The following ANXA2 variants were observed in gnomAD, a reference collection of about 807,000 sequenced individuals.
ANXA2 encodes annexin A2.
Under a neutral mutation model 47.3 loss-of-function variants are expected in ANXA2, and 28 were observed. That is an observed-to-expected ratio of 0.59 (90% confidence interval 0.44 to 0.81). ANXA2 has a LOEUF of 0.81. Ranked by LOEUF, ANXA2 falls within the 40% of genes least tolerant of loss-of-function variation. ANXA2 has a pLI of 0.00. For missense variants in ANXA2, 384 were observed against 414.3 expected (o/e 0.93, Z 0.64); for synonymous variants, 172 against 155.5 (o/e 1.11, Z -0.79).
intron 4 of ANXA2, chr15:60,363,072 A>ATG (rs1177759475): frequency 1.4e-5 from 2 of 139,202 alleles, no homozygotes; most frequent in East Asian, 2.3e-4. Context: ...TCAGGCTTCT[A>ATG]TGTGTGTGTG....
Position 60,349,151 on chromosome 15 carries a change from C to A in ANXA2, c.884G>T (p.Arg295Leu), listed in dbSNP as rs751397438. Residue 295 changes from arginine (R) to leucine (L), a missense_variant, in exon 12 of 13, where the codon CGC becomes CTC. By Grantham distance (102) the Arg-to-Leu change is moderately radical. Coordinates refer to ENST00000451270, the MANE Select transcript of ANXA2 (RefSeq NM_004039.3). ...DKVLIRIMVS[R>L]SEVDMLKIRS... Reference sequence around the variant, plus strand: ...AATTTTCAACATGTCCACTTCACTGCGGGAGACCATGATTCTGATCAGGAC... The same window carrying A: ...AATTTTCAACATGTCCACTTCACTGAGGGAGACCATGATTCTGATCAGGAC... 1.9e-6 allele frequency: 3 copies of A among 1,613,976 alleles called. No homozygotes were observed. Among genetic ancestry groups the A allele is most frequent in the Admixed American group, 3.3e-5 (2 of 60,020 alleles).
rs1566936066 is a variant in ANXA2, at chr15:60,363,041, A to AC, written c.243+1387_243+1388insG. ...CAAGACCCTGTCACAAAAAAAAAAAAAAAAAAAAAAAAAAAAAGTTTCAGG... is the reference window on the plus strand; with the variant it reads ...CAAGACCCTGTCACAAAAAAAAAAAACAAAAAAAAAAAAAAAAAGTTTCAGG... On this transcript the variant is annotated intron_variant, in intron 4 of 12. Coordinates refer to ENST00000451270, the MANE Select transcript of ANXA2 (RefSeq NM_004039.3). 129 of 148,130 alleles carry AC rather than the reference A, an allele frequency of 8.7e-4. 1 individual carries two copies. Among genetic ancestry groups the AC allele is most frequent in the African/African-American group, 3.2e-3 (125 of 38,628 alleles). 9.2% of individuals were successfully genotyped at this position (148,130 alleles called of 1,614,324 possible). A position where few individuals can be genotyped will look rare whatever the true frequency, so the allele number is the denominator to read the frequency against.
chr15:60,397,757 C>T, intron 1 of ANXA2, 186 bp downstream of exon 1: 2 of 754,690 alleles, frequency 2.7e-6, no homozygotes, highest in Admixed American at 5.4e-5. Context: ...CTGCCCCAAA[C>T]ACCTTGTCCC....
intron 4 of ANXA2, 31 bp from the exon 5 acceptor site, chr15:60,361,085 T>C (rs749276275): frequency 3.5e-6 from 5 of 1,448,620 alleles, no homozygotes; most frequent in African/African-American, 1.4e-5. Flanking sequence ...ATAAGGAAAA[T>C]ATTTATTTTA....
intron 4 of ANXA2, among the ~76,000 whole-genome samples, chr15:60,364,160 C>G (rs1315205338): frequency 1.2e-4 from 18 of 152,180 alleles, no homozygotes; most frequent in Admixed American, 1.2e-3. Flanking sequence ...AAGCGCGAAC[C>G]CTACTGTGAA....
chr15:60,355,886 A>G, intron 7 of ANXA2, 33 bp downstream of exon 7: 1 of 1,567,722 alleles, frequency 6.4e-7, no homozygotes, highest in Non-Finnish European at 8.8e-7. Context: ...CTTGGGAGGA[A>G]GCAAGGGCAA....
At chr15:60,361,407 G>A (rs115283862) in intron 4 of ANXA2, 2,371 of 212,738 alleles carry the variant, frequency 0.011, 26 homozygotes, top group African/African-American at 0.035. Context: ...GGACGCTTTC[G>A]GAGATCAAGG....
Position 60,347,569 on chromosome 15 carries a change from T to C in ANXA2, c.*61A>G. 6.4e-7 allele frequency: 1 copy of C among 1,564,302 alleles called. No individual in the cohort carries two copies. The highest frequency in any genetic ancestry group is 8.8e-7 in the Non-Finnish European group (1 of 1,135,202). On this transcript the variant is annotated 3_prime_UTR_variant, in exon 13 of 13. Coordinates refer to ENST00000451270, the MANE Select transcript of ANXA2 (RefSeq NM_004039.3). ...GACTGTTATTCGCAAGCTGGTTTTC[T>C]AGACCTGTTAGCTGGAAGCATGGTG...
At chr15:60,388,494 C>G (rs2062962878) in intron 1 of ANXA2, among the ~76,000 whole-genome samples, 1 of 151,506 alleles carries the variant, frequency 6.6e-6, no homozygotes, top group Non-Finnish European at 1.5e-5. Flanking sequence ...TGTGTCCAGC[C>G]CAATAATTTA....
chr15:60,365,043 C>T (rs12440492), intron 3 of ANXA2, among the ~76,000 whole-genome samples: 72,186 of 96,856 alleles, frequency 0.75, 28,862 homozygotes, highest in African/African-American at 0.86. Flanking sequence ...TCAGATTTAA[C>T]ACGGCAGTTG....
intron 1 of ANXA2, chr15:60,393,037 C>A (rs1435449541): frequency 8.0e-5 from 103 of 1,287,496 alleles, no homozygotes; most frequent in Non-Finnish European, 9.9e-5. Flanking sequence ...TTTATCAGAA[C>A]CTTTTTGAAA....
At chr15:60,380,668 G>C (rs938300402) in intron 3 of ANXA2, among the ~76,000 whole-genome samples, 35 of 151,816 alleles carry the variant, frequency 2.3e-4, no homozygotes, top group Middle Eastern at 3.4e-3. Flanking sequence ...GCTGGGCATG[G>C]TGGTGTGTGC....
intron 1 of ANXA2, among the ~76,000 whole-genome samples, chr15:60,395,055 A>C (rs2063063274): frequency 6.6e-6 from 1 of 152,126 alleles, no homozygotes; most frequent in Non-Finnish European, 1.5e-5. Flanking sequence ...AAGGCAGCTT[A>C]AGACACCATA....
chr15:60,354,057 T>C, intron 8 of ANXA2, 97 bp downstream of exon 8: 1 of 922,458 alleles, frequency 1.1e-6, no homozygotes, highest in Non-Finnish European at 1.7e-6. Flanking sequence ...AGCCACAGAG[T>C]TTGGGAGTCA....
chr15:60,381,699 C>T (rs953015477), intron 3 of ANXA2, among the ~76,000 whole-genome samples: 4 of 151,796 alleles, frequency 2.6e-5, no homozygotes, highest in South Asian at 2.1e-4. Context: ...CAGAACTTAC[C>T]GGGGTTTAAA....
chr15:60,392,211 T>C (rs947871118), intron 1 of ANXA2, among the ~76,000 whole-genome samples: 2 of 152,198 alleles, frequency 1.3e-5, no homozygotes, highest in African/African-American at 4.8e-5. Flanking sequence ...AGACTGTGAA[T>C]GCCTGGCTAA....
chr15:60,397,315 G>C lies in ANXA2; in HGVS notation c.-12+628C>G, dbSNP rs1028058872. 1.0e-5 allele frequency: 10 copies of C among 985,580 alleles called. No individual in the cohort carries two copies. In the East Asian group the frequency reaches 1.0e-3, roughly 101 times the overall value. 61.1% of individuals were successfully genotyped at this position (985,580 alleles called of 1,614,324 possible). On this transcript the variant is annotated intron_variant, in intron 1 of 12. Coordinates refer to ENST00000451270, the MANE Select transcript of ANXA2 (RefSeq NM_004039.3). ...AAACTCTCCGGGTAGAGTGAAATCCGAAGTTGCTATGCTACAAGATAACCT... is the reference window on the plus strand; with the variant it reads ...AAACTCTCCGGGTAGAGTGAAATCCCAAGTTGCTATGCTACAAGATAACCT...
chr15:60,366,667 AG>A (rs1712747366), intron 3 of ANXA2, among the ~76,000 whole-genome samples: 2 of 140,866 alleles, frequency 1.4e-5, no homozygotes, highest in Non-Finnish European at 3.1e-5. Flanking sequence ...CCCGTCCGGG[AG>A]GGAGGTGGGG....
In ANXA2 at chr15:60,352,288, C is replaced by A. The variant is rs991069705; in HGVS notation, c.682+95G>T. 5 of 784,848 alleles carry A rather than the reference C, an allele frequency of 6.4e-6. No individual in the cohort carries two copies. The highest frequency in any genetic ancestry group is 1.7e-5 in the South Asian group (1 of 58,850). The allele number at this position is 784,848 out of a possible 1,614,324, so 48.6% of individuals were successfully genotyped here. ...ATGAGAGTGCCAAGCGGAGACAGAA[C>A]CTCATTCTGGCAGACTCCATCCCAA... is the stretch of plus-strand genomic sequence containing the variant. On this transcript the variant is annotated intron_variant, in intron 9 of 12. Coordinates refer to ENST00000451270, the MANE Select transcript of ANXA2 (RefSeq NM_004039.3). The surrounding 1 kb of genome is among the most constrained non-coding windows in gnomAD (Gnocchi z 4.2).
Sources: allele counts gnomAD v4.1 joint callset (sites outside exome capture counted in the v4.1 genomes callset), GRCh38; gene constraint gnomAD v4.1.1; non-coding constraint Gnocchi (gnomAD v3.1); transcripts MANE v1.5; gene names NCBI Gene and HGNC (gene_info 2026-07-23, HGNC 2026-07-21).